Variants in NEK1 observed in about 807,000 individuals in gnomAD.
NEK1 encodes serine/threonine-protein kinase Nek1.
In NEK1, 137 loss-of-function variants were observed where a neutral mutation model predicts 182.1. The ratio of observed to expected loss-of-function variants is 0.75; its 90% confidence interval spans 0.65 to 0.87. The LOEUF (loss-of-function observed/expected upper bound fraction) is 0.87. Among genes scored for constraint, NEK1 ranks in the 40% least tolerant of loss-of-function variants. The pLI, the probability that NEK1 is intolerant of heterozygous loss-of-function variation, is 0.00. For synonymous variants in NEK1, 513 were observed against 492.2 expected (o/e 1.04, Z -0.56); for missense variants, 1,391 against 1,494.4 (o/e 0.93, Z 1.14).
chr4:169,556,184 G>T, intron 16 of NEK1, 89 bp from the exon 17 acceptor site: 1 of 1,193,552 alleles, frequency 8.4e-7, no homozygotes, highest in Non-Finnish European at 1.1e-6. Flanking sequence ...AAATTTCAAT[G>T]CTTCACTTTT....
chr4:169,406,504 T>G (rs1732641827), intron 32 of NEK1, 92 bp downstream of exon 32: 2 of 885,526 alleles, frequency 2.3e-6, no homozygotes, highest in Admixed American at 3.3e-5. Context: ...GGTTAATGAG[T>G]TAAAAAAAAG....
At chr4:169,413,210 C>T (rs4435705) in intron 31 of NEK1, among the ~76,000 whole-genome samples, 25,986 of 150,916 alleles carry the variant, frequency 0.17, 2,828 homozygotes, top group South Asian at 0.31. Context: ...CTCTGTCATC[C>T]AGGCTGGAGC....
chr4:169,499,297 T>A (rs1751975051), intron 23 of NEK1, among the ~76,000 whole-genome samples: 1 of 137,986 alleles, frequency 7.2e-6, no homozygotes, highest in African/African-American at 3.3e-5. Context: ...TAGTTAGCCA[T>A]TCATCTAATT....
chr4:169,485,041 C>A (rs1748787046), intron 23 of NEK1, among the ~76,000 whole-genome samples: 1 of 152,108 alleles, frequency 6.6e-6, no homozygotes, highest in South Asian at 2.1e-4. Flanking sequence ...CTTTAGAATG[C>A]AGACTAAAAA....
intron 10 of NEK1, among the ~76,000 whole-genome samples, chr4:169,585,036 A>G (rs115859383): frequency 0.012 from 1,815 of 152,242 alleles, 31 homozygotes; most frequent in African/African-American, 0.041. Flanking sequence ...ATTTTTTTTT[A>G]ATATTAGCTG....
chr4:169,555,372 C>T (rs1314085430), intron 18 of NEK1: 1 of 240,528 alleles, frequency 4.2e-6, no homozygotes, highest in African/African-American at 2.3e-5. Flanking sequence ...CACTGGGGTT[C>T]TGCATAAAGT....
intron 5 of NEK1, among the ~76,000 whole-genome samples, chr4:169,596,690 A>G (rs960869043): frequency 1.1e-4 from 17 of 152,180 alleles, no homozygotes; most frequent in African/African-American, 3.6e-4. Flanking sequence ...ACATTCTAGA[A>G]AGGGACAAAA....
At chr4:169,439,908 G>A (rs1281803377) in intron 27 of NEK1, among the ~76,000 whole-genome samples, 1 of 146,730 alleles carries the variant, frequency 6.8e-6, no homozygotes, top group South Asian at 2.2e-4. Context: ...GTGCGGTGGC[G>A]TGATCTCAGC....
At chr4:169,424,911 C>A in intron 30 of NEK1, 111 bp from the exon 31 acceptor site, 1 of 1,139,590 alleles carries the variant, frequency 8.8e-7, no homozygotes, top group South Asian at 2.2e-5. Flanking sequence ...ACCCACATAT[C>A]AGGAAAATAA....
At chr4:169,552,801 A>G (rs1761623946) in intron 18 of NEK1, among the ~76,000 whole-genome samples, 1 of 152,188 alleles carries the variant, frequency 6.6e-6, no homozygotes, top group South Asian at 2.1e-4. Context: ...ACAAGGAACA[A>G]GTAGAATTTG....
chr4:169,418,234 T>C (rs1734866992), intron 31 of NEK1, among the ~76,000 whole-genome samples: 1 of 152,204 alleles, frequency 6.6e-6, no homozygotes, highest in Non-Finnish European at 1.5e-5. Flanking sequence ...ACTTTACACT[T>C]GTCCTAGCAA....
At chr4:169,588,320 C>T (rs1335024138) in intron 8 of NEK1, among the ~76,000 whole-genome samples, 4 of 152,066 alleles carry the variant, frequency 2.6e-5, no homozygotes, top group African/African-American at 4.8e-5. Flanking sequence ...ATACCTAGAA[C>T]TCGAAACAGT....
chr4:169,509,336 T>G (rs1434120671), intron 19 of NEK1, among the ~76,000 whole-genome samples: 1 of 152,152 alleles, frequency 6.6e-6, no homozygotes, highest in African/African-American at 2.4e-5. Context: ...CTCAGGCATG[T>G]TCAGTTACTA....
intron 27 of NEK1, among the ~76,000 whole-genome samples, chr4:169,459,136 A>G (rs991575577): frequency 1.3e-5 from 2 of 152,180 alleles, no homozygotes; most frequent in African/African-American, 4.8e-5. Context: ...TATTTGATAA[A>G]GGACCATTAA....
At chr4:169,395,170 T>C (rs980234599) in intron 35 of NEK1, among the ~76,000 whole-genome samples, 1 of 152,234 alleles carries the variant, frequency 6.6e-6, no homozygotes, top group African/African-American at 2.4e-5. Flanking sequence ...TAATCTTATA[T>C]GCAAGCACTA....
At chr4:169,510,667 T>C (rs1754028083) in intron 19 of NEK1, among the ~76,000 whole-genome samples, 2 of 152,192 alleles carry the variant, frequency 1.3e-5, no homozygotes, top group Non-Finnish European at 2.9e-5. Context: ...TGGTTACTAT[T>C]ATCTTCAGAC....
At chr4:169,549,565 G>C (rs1253581280) in intron 18 of NEK1, among the ~76,000 whole-genome samples, 1 of 152,064 alleles carries the variant, frequency 6.6e-6, no homozygotes, top group Non-Finnish European at 1.5e-5. Context: ...TGGGATTACA[G>C]GCATGCGCCA....
At chr4:169,602,468 T>G (rs1277414102) in intron 3 of NEK1, 46 bp downstream of exon 3, 8 of 1,035,758 alleles carry the variant, frequency 7.7e-6, no homozygotes, top group African/African-American at 1.6e-5. Context: ...TGAGCTCTAT[T>G]GTAACTAAAC....
intron 35 of NEK1, among the ~76,000 whole-genome samples, chr4:169,397,274 G>C (rs1391573704): frequency 4.0e-5 from 6 of 151,764 alleles, no homozygotes; most frequent in Admixed American, 3.9e-4. Flanking sequence ...AAAAAGAACA[G>C]CTATATATGG....
Sources: allele counts gnomAD v4.1 joint callset (sites outside exome capture counted in the v4.1 genomes callset), GRCh38; gene constraint gnomAD v4.1.1; transcripts MANE v1.5; gene names NCBI Gene and HGNC (gene_info 2026-07-23, HGNC 2026-07-21).